Variants in ZNF804B observed in about 807,000 individuals in gnomAD.
The protein encoded by ZNF804B is zinc finger protein 804B, also known as zinc finger 804B.
Under a neutral mutation model 101.4 loss-of-function variants are expected in ZNF804B, and 80 were observed. That is an observed-to-expected ratio of 0.79 (90% CI 0.66 to 0.95). ZNF804B has a LOEUF of 0.95. ZNF804B is among the 40% of genes least tolerant of loss of function. ZNF804B has a pLI of 0.00. For missense variants in ZNF804B, 1,673 were observed against 1,561.9 expected (o/e 1.07, Z -1.20); for synonymous variants, 622 against 558.8 (o/e 1.11, Z -1.59).
chr7:88,794,775 T>C, intron 1 of ZNF804B: 2 of 1,613,656 alleles, frequency 1.2e-6, no homozygotes, highest in Non-Finnish European at 1.7e-6. Context: ...CATTTGCTTG[T>C]ATCTTGGCCA....
intron 1 of ZNF804B, among the ~76,000 whole-genome samples, chr7:88,784,752 C>A (rs1274041225): frequency 6.6e-6 from 1 of 152,136 alleles, no homozygotes; most frequent in Non-Finnish European, 1.5e-5. Flanking sequence ...CACCAGTGAC[C>A]TTCTTGTTAT....
chr7:88,916,022 TC>T (rs1317200989), intron 1 of ZNF804B, among the ~76,000 whole-genome samples: 2 of 151,998 alleles, frequency 1.3e-5, no homozygotes, highest in African/African-American at 4.8e-5. Flanking sequence ...CTTAAATTTT[TC>T]CTGTAAAGAA....
At chr7:88,974,935 T>A (rs891845655) in intron 1 of ZNF804B, among the ~76,000 whole-genome samples, 1 of 151,378 alleles carries the variant, frequency 6.6e-6, no homozygotes, top group East Asian at 2.0e-4. Context: ...CCCCCTGACT[T>A]TTCCCAGCTT....
At chr7:88,821,612 T>C (rs531721018) in intron 1 of ZNF804B, among the ~76,000 whole-genome samples, 20 of 152,150 alleles carry the variant, frequency 1.3e-4, no homozygotes, top group African/African-American at 4.3e-4. Flanking sequence ...CTTATAACCA[T>C]CTCTCACAGG....
chr7:89,294,952 T>A (rs1790357975), intron 2 of ZNF804B, among the ~76,000 whole-genome samples: 1 of 152,164 alleles, frequency 6.6e-6, no homozygotes, highest in South Asian at 2.1e-4. Flanking sequence ...TTTATGTGTT[T>A]ACTTACTCTG....
chr7:88,762,391 C>T (rs1789911445), intron 1 of ZNF804B, among the ~76,000 whole-genome samples: 1 of 152,130 alleles, frequency 6.6e-6, no homozygotes, highest in South Asian at 2.1e-4. Flanking sequence ...GGTCCTCTTC[C>T]CATTACATAA....
intron 1 of ZNF804B, among the ~76,000 whole-genome samples, chr7:88,898,860 C>A (rs959278072): frequency 6.6e-6 from 1 of 152,194 alleles, no homozygotes; most frequent in African/African-American, 2.4e-5. Flanking sequence ...AGGGTGATAG[C>A]TTCACTGGTT....
intron 1 of ZNF804B, among the ~76,000 whole-genome samples, chr7:88,774,001 A>G (rs1205986219): frequency 1.3e-5 from 2 of 151,734 alleles, no homozygotes; most frequent in Non-Finnish European, 2.9e-5. Flanking sequence ...CAGTGACCAA[A>G]CTCCTTTGGA....
intron 1 of ZNF804B, among the ~76,000 whole-genome samples, chr7:89,174,642 T>G (rs1212058233): frequency 2.0e-5 from 3 of 152,000 alleles, no homozygotes; most frequent in African/African-American, 4.8e-5. Flanking sequence ...CTTATGGTAG[T>G]TCTATTTTTG....
At chr7:89,284,906 A>G (rs544820528) in intron 2 of ZNF804B, among the ~76,000 whole-genome samples, 51 of 152,188 alleles carry the variant, frequency 3.4e-4, no homozygotes, top group African/African-American at 1.2e-3. Context: ...GCCATTAAGA[A>G]AATAATTGGA....
chr7:89,011,562 A>C (rs1024421950), intron 1 of ZNF804B, among the ~76,000 whole-genome samples: 2 of 152,204 alleles, frequency 1.3e-5, no homozygotes, highest in African/African-American at 2.4e-5. Flanking sequence ...GGGTAAATAC[A>C]GCTGTTCCAA....
At chr7:88,782,324 A>G (rs1790241425) in intron 1 of ZNF804B, among the ~76,000 whole-genome samples, 1 of 152,072 alleles carries the variant, frequency 6.6e-6, no homozygotes, top group Non-Finnish European at 1.5e-5. Flanking sequence ...AATAATCTGC[A>G]TTATTTATGC....
chr7:88,793,518 G>T (rs1010860053), intron 1 of ZNF804B, among the ~76,000 whole-genome samples: 2 of 151,964 alleles, frequency 1.3e-5, no homozygotes, highest in African/African-American at 2.4e-5. Context: ...ATTGTTTTCT[G>T]TAGCTTTATA....
At chr7:89,278,104 TG>T (rs1386326158) in intron 2 of ZNF804B, among the ~76,000 whole-genome samples, 1 of 152,258 alleles carries the variant, frequency 6.6e-6, no homozygotes, top group East Asian at 1.9e-4. Flanking sequence ...TGGCCAGTGA[TG>T]GTGAGCATTT....
intron 1 of ZNF804B, among the ~76,000 whole-genome samples, chr7:89,034,418 A>G (rs1181827215): frequency 6.8e-6 from 1 of 148,128 alleles, no homozygotes; most frequent in Non-Finnish European, 1.5e-5. Flanking sequence ...ACCCCCCGCC[A>G]GGCCCTGGTG....
chr7:89,148,509 A>T (rs1050142115), intron 1 of ZNF804B, among the ~76,000 whole-genome samples: 6 of 152,134 alleles, frequency 3.9e-5, no homozygotes, highest in African/African-American at 1.4e-4. Flanking sequence ...TCTCTGCTTG[A>T]AACACAGAAA....
chr7:89,072,379 C>A (rs1403944078), intron 1 of ZNF804B, among the ~76,000 whole-genome samples: 1 of 152,088 alleles, frequency 6.6e-6, no homozygotes, highest in Non-Finnish European at 1.5e-5. Context: ...TTCTACTTGC[C>A]AGAAGATTGC....
At chr7:89,228,790 G>A (rs1029642496) in intron 2 of ZNF804B, among the ~76,000 whole-genome samples, 3 of 152,200 alleles carry the variant, frequency 2.0e-5, no homozygotes, top group Non-Finnish European at 2.9e-5. Context: ...TTGGGTGGTC[G>A]ATGGGACTGG....
chr7:89,198,547 GT>G lies in ZNF804B; in HGVS notation c.109-19606del, dbSNP rs565985914. Among the ~76,000 whole-genome samples, 32 of 151,930 alleles carry G rather than the reference GT, an allele frequency of 2.1e-4. 1 individual carries two copies. The South Asian group carries it at 6.6e-3, about 32-fold the overall frequency. ...AAATAAAAAATAATGTGACCTTGAG[GT>G]TACCTGTCACTACTCAAGGAATATT... On this transcript the variant is annotated intron_variant, in intron 1 of 3. Transcript: ENST00000333190.
Sources: gnomAD v4.1 joint callset for allele counts (sites outside exome capture counted in the v4.1 genomes callset) on GRCh38, gnomAD v4.1.1 for gene constraint, MANE v1.5 for transcripts, NCBI Gene and HGNC (gene_info 2026-07-23, HGNC 2026-07-21) for gene names.